MYO6: variants seen among roughly 807,000 people sequenced by gnomAD.
The protein encoded by MYO6 is unconventional myosin-VI.
MYO6 carries 74 observed loss-of-function variants against 178.7 expected under a neutral mutation model. The ratio of observed to expected loss-of-function variants is 0.41; its 90% CI spans 0.34 to 0.50. The LOEUF is 0.50. Among genes scored for constraint, MYO6 ranks in the 20% least tolerant of loss-of-function variants. The probability of loss-of-function intolerance (pLI) is 0.09; values close to 1 mark genes in which losing one functional copy is unlikely to be tolerated. For synonymous variants in MYO6, 477 were observed against 504.6 expected (o/e 0.95, Z 0.73); for missense variants, 1,330 against 1,547.4 (o/e 0.86, Z 2.36).
intron 23 of MYO6, among the ~76,000 whole-genome samples, chr6:75,885,707 A>G (rs1164607412): frequency 6.6e-6 from 1 of 151,958 alleles, no homozygotes; most frequent in African/African-American, 2.4e-5. Context: ...TGGCCTCCCG[A>G]AGTGCTGGGA....
At chr6:75,774,573 G>T (rs1766195498) in intron 1 of MYO6, among the ~76,000 whole-genome samples, 1 of 151,984 alleles carries the variant, frequency 6.6e-6, no homozygotes, top group Non-Finnish European at 1.5e-5. Flanking sequence ...AGCAACATGG[G>T]TGTTTTTACT....
At chr6:75,838,886 T>C (rs1773921063) in intron 7 of MYO6, among the ~76,000 whole-genome samples, 1 of 151,876 alleles carries the variant, frequency 6.6e-6, no homozygotes, top group South Asian at 2.1e-4. Flanking sequence ...GATCTCAAAC[T>C]CCTGACCCCA....
At chr6:75,762,691 C>T (rs1582994909) in intron 1 of MYO6, among the ~76,000 whole-genome samples, 1 of 152,198 alleles carries the variant, frequency 6.6e-6, no homozygotes, top group Admixed American at 6.5e-5. Flanking sequence ...AGGGCTCCAG[C>T]CTCCGCTGCC....
chr6:75,867,174 G>T, intron 18 of MYO6, 69 bp downstream of exon 18: 1 of 1,250,558 alleles, frequency 8.0e-7, no homozygotes, highest in Non-Finnish European at 1.1e-6. Context: ...TTCTAAAATG[G>T]ATAATGTAGA....
chr6:75,879,357 G>A (rs1163432085), intron 20 of MYO6, among the ~76,000 whole-genome samples: 1 of 151,240 alleles, frequency 6.6e-6, no homozygotes, highest in Non-Finnish European at 1.5e-5. Context: ...TGATCCTCCT[G>A]TCTCAGCCCC....
chr6:75,771,081 C>T (rs2150021565), intron 1 of MYO6, among the ~76,000 whole-genome samples: 1 of 151,516 alleles, frequency 6.6e-6, no homozygotes, highest in Middle Eastern at 3.4e-3. Flanking sequence ...CAGTTCATTG[C>T]AGCCTCGACC....
chr6:75,889,154 GA>G (rs922708134), intron 25 of MYO6, among the ~76,000 whole-genome samples: 19 of 151,474 alleles, frequency 1.3e-4, no homozygotes, highest in South Asian at 2.1e-4. Context: ...AGGTAGAAAG[GA>G]AAAAAAAGAT....
rs1237625182 is a variant in MYO6 at position 75,914,197 on chromosome 6, T to TGG, written c.3575_3576dup (p.Trp1193GlyfsTer38). On this transcript the variant is annotated frameshift_variant, in exon 34 of 35. Coordinates refer to ENST00000369977, the MANE Select transcript of MYO6 (RefSeq NM_004999.4). LOFTEE classifies it high-confidence loss of function. ...AGACCCTCAGAGTAAGAAAAAAGGC[T>TGG]GGTGGTATGCCCATTTTGATGGACC... 1 of 1,614,064 alleles carries TGG rather than the reference T, an allele frequency of 6.2e-7. No individual in the cohort carries two copies. The highest frequency in any genetic ancestry group is 1.3e-5 in the African/African-American group (1 of 74,934).
chr6:75,787,160 A>G (rs1767650909), intron 1 of MYO6, among the ~76,000 whole-genome samples: 1 of 152,192 alleles, frequency 6.6e-6, no homozygotes, highest in Non-Finnish European at 1.5e-5. Context: ...AAAATTTTTT[A>G]CACTTATACT....
chr6:75,861,005 T>A lies in MYO6; in HGVS notation c.1474-18T>A. The A allele has an allele frequency of 6.6e-7, 1 of 1,524,430 alleles. No individual in the cohort carries two copies. The highest frequency in any genetic ancestry group is 9.1e-7 in the Non-Finnish European group (1 of 1,099,000). The allele number at this position is 1,524,430 out of a possible 1,614,324, so 94.4% of individuals were successfully genotyped here. A position where few individuals can be genotyped will look rare whatever the true frequency, so the allele number is the denominator to read the frequency against. On this transcript the variant is annotated intron_variant, in intron 14 of 34. Transcript: ENST00000369977. ...CTCAGTATTGCTGTATCTATGATTA[T>A]GATTATTTCATTTTTAGGAACAAGA...
At chr6:75,905,109 A>C (rs1780173463) in intron 30 of MYO6, among the ~76,000 whole-genome samples, 1 of 152,184 alleles carries the variant, frequency 6.6e-6, no homozygotes, top group Non-Finnish European at 1.5e-5. Flanking sequence ...GCGTCCTGGG[A>C]GAACCACTGC....
At chr6:75,829,012 G>A (rs910892094) in intron 4 of MYO6, among the ~76,000 whole-genome samples, 3 of 152,056 alleles carry the variant, frequency 2.0e-5, no homozygotes, top group Admixed American at 6.6e-5. Flanking sequence ...ATGTAAGGCA[G>A]CCTATAAGGA....
rs960614700 is a variant in MYO6, at chr6:75,889,988, A to G, written c.2659-69A>G. 4.6e-6 allele frequency: 5 copies of G among 1,080,250 alleles called. No individual in the cohort carries two copies. The African/African-American group carries it at 6.3e-5, about 14-fold the overall frequency. 66.9% of individuals were successfully genotyped at this position (1,080,250 alleles called of 1,614,324 possible). On this transcript the variant is annotated intron_variant, in intron 25 of 34. Coordinates refer to ENST00000369977, the MANE Select transcript of MYO6 (RefSeq NM_004999.4). The stretch of plus-strand genomic sequence containing the variant: ...TTCAGTTTATAATTCAGTATTGTTA[A>G]GTATATTCACATTGTTGTGCAACAG...
At chr6:75,913,133 G>C (rs1011906797) in intron 33 of MYO6, among the ~76,000 whole-genome samples, 2 of 152,086 alleles carry the variant, frequency 1.3e-5, no homozygotes, top group Admixed American at 1.3e-4. Flanking sequence ...GTAAATGGTT[G>C]TTCCACTTTT....
At chr6:75,861,374 T>C (rs1776203795) in intron 15 of MYO6, among the ~76,000 whole-genome samples, 1 of 152,228 alleles carries the variant, frequency 6.6e-6, no homozygotes, top group Non-Finnish European at 1.5e-5. Flanking sequence ...GGAAACTTAA[T>C]TGCCTAGTCA....
intron 11 of MYO6, among the ~76,000 whole-genome samples, chr6:75,854,875 C>A (rs1775599824): frequency 6.6e-6 from 1 of 151,266 alleles, no homozygotes; most frequent in South Asian, 2.1e-4. Context: ...CTTATAGGGT[C>A]AAAAAAAATG....
chr6:75,818,104 A>G (rs1281860788), intron 2 of MYO6, among the ~76,000 whole-genome samples: 2 of 152,178 alleles, frequency 1.3e-5, no homozygotes, highest in Admixed American at 6.6e-5. Context: ...CTTAGCTTCT[A>G]TTATAAAGTC....
intron 1 of MYO6, among the ~76,000 whole-genome samples, chr6:75,779,134 A>G (rs989919697): frequency 4.0e-5 from 6 of 151,274 alleles, no homozygotes; most frequent in Non-Finnish European, 7.4e-5. Context: ...CATGACCTCA[A>G]GTGATCCTTC....
rs1420491497 is a variant in MYO6 at position 75,762,072 on chromosome 6, C to T, written c.-48+12649C>T. ...TCAGCCTCCTGAGTAGCTGGAACTA[C>T]AGGCGTCAGCCACCACGCCCAGCTA... On this transcript the variant is annotated intron_variant, in intron 1 of 34. Transcript: ENST00000369977. 2.0e-5 allele frequency among the ~76,000 whole-genome samples: 3 copies of T among 152,090 alleles called. No homozygotes were observed. In the East Asian group the frequency reaches 5.8e-4, roughly 29 times the overall value.
Sources: gnomAD v4.1 joint callset for allele counts (sites outside exome capture counted in the v4.1 genomes callset) on GRCh38, gnomAD v4.1.1 for gene constraint, MANE v1.5 for transcripts, NCBI Gene and HGNC (gene_info 2026-07-23, HGNC 2026-07-21) for gene names.